The following HMCN1 variants were observed in gnomAD, a reference collection of about 807,000 sequenced individuals.
HMCN1 encodes the protein hemicentin-1.
A neutral mutation model predicts 625.9 loss-of-function variants in HMCN1; 321 were observed. The observed-to-expected ratio is 0.51, with a 90% CI of 0.47 to 0.56. The LOEUF is 0.56. Ranked by LOEUF, HMCN1 falls within the 20% of genes least tolerant of loss-of-function variation. HMCN1 has a pLI of 0.00. For synonymous variants in HMCN1, 2,425 were observed against 2,417.6 expected (o/e 1.00, Z -0.09); for missense variants, 6,588 against 6,887.3 (o/e 0.96, Z 1.54).
chr1:185,898,319 C>T (rs747066098), intron 4 of HMCN1, among the ~76,000 whole-genome samples: 1 of 152,142 alleles, frequency 6.6e-6, no homozygotes, highest in South Asian at 2.1e-4. Context: ...CAGGAAGGAG[C>T]AAGTCAGGAA....
At chr1:186,076,970 A>T (rs1033505878) in intron 54 of HMCN1, among the ~76,000 whole-genome samples, 2 of 152,324 alleles carry the variant, frequency 1.3e-5, no homozygotes, top group Non-Finnish European at 2.9e-5. Flanking sequence ...TTTACAGATC[A>T]TTACTGCTCA....
intron 2 of HMCN1, among the ~76,000 whole-genome samples, chr1:185,854,598 C>T (rs1430504063): frequency 6.6e-6 from 1 of 152,108 alleles, no homozygotes; most frequent in Non-Finnish European, 1.5e-5. Context: ...CCTCAGGTTT[C>T]CTTACATAAA....
chr1:185,752,874 C>T (rs577634694), intron 1 of HMCN1, among the ~76,000 whole-genome samples: 1 of 152,126 alleles, frequency 6.6e-6, no homozygotes, highest in African/African-American at 2.4e-5. Flanking sequence ...GATATGAATA[C>T]TACAAGAAAG....
In HMCN1 at chr1:185,912,501, C is replaced by T. The variant is rs186198443; in HGVS notation, c.900+721C>T. On this transcript the variant is annotated intron_variant, in intron 6 of 106. Transcript: ENST00000271588. ...ACTCAAAATTCAAGATACCATAAAT[C>T]GGAGATCTAGTTCTGCTGCAGATTT... Among the ~76,000 whole-genome samples the T allele has an allele frequency of 3.3e-3, 509 of 152,188 alleles. 1 individual carries two copies. Among genetic ancestry groups the T allele is most frequent in the Middle Eastern group, 6.8e-3 (2 of 294 alleles).
intron 11 of HMCN1, among the ~76,000 whole-genome samples, chr1:185,945,439 C>T (rs763790804): frequency 2.0e-5 from 3 of 152,120 alleles, no homozygotes; most frequent in Non-Finnish European, 4.4e-5. Flanking sequence ...AATTGTCAGG[C>T]TTTGTGCTTC....
intron 1 of HMCN1, among the ~76,000 whole-genome samples, chr1:185,842,670 G>C (rs1302316991): frequency 6.6e-6 from 1 of 151,996 alleles, no homozygotes. Flanking sequence ...GGTCAAGGCC[G>C]CAGTAAGCTA....
chr1:185,980,732 C>A (rs963620561), intron 16 of HMCN1, among the ~76,000 whole-genome samples: 2 of 152,172 alleles, frequency 1.3e-5, no homozygotes, highest in Non-Finnish European at 2.9e-5. Context: ...CAGATATTAC[C>A]TCAGTGTGAA....
chr1:185,781,146 A>G (rs953148563), intron 1 of HMCN1, among the ~76,000 whole-genome samples: 3 of 152,090 alleles, frequency 2.0e-5, no homozygotes, highest in Non-Finnish European at 2.9e-5. Context: ...AGAGGTGTTT[A>G]TAGTATTCTC....
intron 1 of HMCN1, among the ~76,000 whole-genome samples, chr1:185,784,791 G>A (rs1401732684): frequency 6.6e-6 from 1 of 152,100 alleles, no homozygotes; most frequent in Non-Finnish European, 1.5e-5. Context: ...ATTGTAACAT[G>A]TACAGATCTT....
chr1:186,103,807 T>C, intron 69 of HMCN1, 139 bp downstream of exon 69: 1 of 682,460 alleles, frequency 1.5e-6, no homozygotes, highest in Non-Finnish European at 2.5e-6. Context: ...ATTAGTCCTA[T>C]GATATGCATG....
intron 4 of HMCN1, among the ~76,000 whole-genome samples, chr1:185,868,346 C>T (rs1292879735): frequency 6.6e-6 from 1 of 152,094 alleles, no homozygotes; most frequent in African/African-American, 2.4e-5. Context: ...CTGTGTCTCC[C>T]CCCACTGCCC....
intron 11 of HMCN1, among the ~76,000 whole-genome samples, chr1:185,940,301 C>G (rs766698585): frequency 2.0e-5 from 3 of 152,134 alleles, no homozygotes; most frequent in Admixed American, 6.5e-5. Context: ...GGTGGCATCT[C>G]TTACTAACTT....
chr1:185,876,372 G>A (rs1199258188), intron 4 of HMCN1, among the ~76,000 whole-genome samples: 2 of 151,976 alleles, frequency 1.3e-5, no homozygotes, highest in African/African-American at 4.8e-5. Flanking sequence ...GATAAACATA[G>A]GATTGCAGGT....
intron 2 of HMCN1, among the ~76,000 whole-genome samples, chr1:185,858,152 T>A (rs1337092678): frequency 6.6e-6 from 1 of 152,202 alleles, no homozygotes; most frequent in Admixed American, 6.5e-5. Context: ...GATACTTACC[T>A]TATCCATTGA....
At chr1:186,046,165 A>T (rs1002743136) in intron 41 of HMCN1, among the ~76,000 whole-genome samples, 10 of 152,092 alleles carry the variant, frequency 6.6e-5, no homozygotes, top group Non-Finnish European at 1.2e-4. Flanking sequence ...TGACCATTTT[A>T]GGTGCTCTGG....
chr1:185,837,005 G>GGTGT (rs60299246), intron 1 of HMCN1, among the ~76,000 whole-genome samples: 2,712 of 142,928 alleles, frequency 0.019, 38 homozygotes, highest in African/African-American at 0.042. Flanking sequence ...TATATTCCAT[G>GGTGT]GTGTGTGTGT....
chr1:185,858,419 TTTTATTTA>T (rs947705331), intron 2 of HMCN1, among the ~76,000 whole-genome samples: 3 of 151,470 alleles, frequency 2.0e-5, no homozygotes, highest in African/African-American at 7.3e-5. Flanking sequence ...AAAGGATTTA[TTTTATTTA>T]TTTATTTATT....
At chr1:185,960,124 CTTTT>C (rs1167408279) in intron 11 of HMCN1, among the ~76,000 whole-genome samples, 1 of 108,926 alleles carries the variant, frequency 9.2e-6, no homozygotes, top group Non-Finnish European at 1.9e-5. Context: ...CAGGAATATT[CTTTT>C]TTTTTTTTTT....
intron 1 of HMCN1, among the ~76,000 whole-genome samples, chr1:185,786,732 A>G (rs913601254): frequency 6.6e-6 from 1 of 152,250 alleles, no homozygotes. Flanking sequence ...AAACTTTTAC[A>G]TAAATCAAAT....
Sources: allele counts gnomAD v4.1 joint callset (sites outside exome capture counted in the v4.1 genomes callset), GRCh38; gene constraint gnomAD v4.1.1; transcripts MANE v1.5; gene names NCBI Gene and HGNC (gene_info 2026-07-23, HGNC 2026-07-21).